GBF1: variants seen among roughly 807,000 people sequenced by gnomAD.
The protein encoded by GBF1 is Golgi-specific brefeldin A-resistance guanine nucleotide exchange factor 1.
GBF1 carries 114 observed loss-of-function variants against 210.5 expected under a neutral mutation model. The ratio of observed to expected loss-of-function variants is 0.54; its 90% confidence interval spans 0.47 to 0.63. The LOEUF (loss-of-function observed/expected upper bound fraction) is 0.63, where lower values mean the gene tolerates loss of function less well. Ranked by LOEUF, GBF1 falls within the 30% of genes least tolerant of loss-of-function variation. GBF1 has a pLI of 0.00. For synonymous variants in GBF1, 850 were observed against 889.2 expected (o/e 0.96, Z 0.78); for missense variants, 1,851 against 2,357.7 (o/e 0.79, Z 4.45).
chr10:102,285,784 G>A (rs375847919), intron 3 of GBF1, among the ~76,000 whole-genome samples: 6 of 151,796 alleles, frequency 4.0e-5, no homozygotes, highest in African/African-American at 1.2e-4. Context: ...AGCTCTCTCC[G>A]TTTTTTCTAG....
At position 102,382,342 on chromosome 10, in the gene GBF1, G is replaced by T; in HGVS notation, c.*6G>T. 1 of 1,598,978 alleles carries T rather than the reference G, an allele frequency of 6.3e-7. No homozygotes were observed. Among genetic ancestry groups the T allele is most frequent in the Non-Finnish European group, 8.5e-7 (1 of 1,171,666 alleles). On this transcript the variant is annotated 3_prime_UTR_variant, in exon 40 of 40. Coordinates refer to ENST00000369983, the MANE Select transcript of GBF1 (RefSeq NM_001377137.1). Reference sequence around the variant, plus strand: ...CCACCTCTGAGGTCAACTAAGGCAGGTCACTCAGAGATCAGGACCAGTGCT... The same window carrying T: ...CCACCTCTGAGGTCAACTAAGGCAGTTCACTCAGAGATCAGGACCAGTGCT...
intron 3 of GBF1, among the ~76,000 whole-genome samples, chr10:102,298,787 C>G (rs2077109466): frequency 1.3e-5 from 2 of 152,172 alleles, no homozygotes. Flanking sequence ...GACTGTAAAC[C>G]TAGGCCTGTT....
At chr10:102,260,476 CTTTTTTTTTTT>C (rs60452124) in intron 3 of GBF1, among the ~76,000 whole-genome samples, 8 of 72,432 alleles carry the variant, frequency 1.1e-4, no homozygotes. Flanking sequence ...TTCCTTTCTT[CTTTTTTTTTTT>C]TTTTTTTTTT....
intron 3 of GBF1, among the ~76,000 whole-genome samples, chr10:102,307,420 T>G (rs2077988229): frequency 1.3e-5 from 2 of 149,678 alleles, no homozygotes; most frequent in Admixed American, 6.7e-5. Flanking sequence ...GTTATAGTGA[T>G]GTTCACAAAT....
intron 3 of GBF1, among the ~76,000 whole-genome samples, chr10:102,293,817 G>A (rs1421396711): frequency 1.8e-4 from 18 of 99,666 alleles, no homozygotes; most frequent in Non-Finnish European, 2.8e-4. Flanking sequence ...TCACTCTGTC[G>A]CCCAGGCTAG....
intron 3 of GBF1, among the ~76,000 whole-genome samples, chr10:102,298,619 T>C (rs1035504662): frequency 6.6e-6 from 1 of 152,228 alleles, no homozygotes; most frequent in Non-Finnish European, 1.5e-5. Context: ...TAGGTGGTAA[T>C]AATACTCTGT....
intron 3 of GBF1, among the ~76,000 whole-genome samples, chr10:102,280,379 A>C (rs2075380885): frequency 6.6e-6 from 1 of 152,134 alleles, no homozygotes. Context: ...GATGGGGTGA[A>C]TGAAATTGTC....
chr10:102,296,241 GA>G (rs1185708488), intron 3 of GBF1, among the ~76,000 whole-genome samples: 1 of 152,148 alleles, frequency 6.6e-6, no homozygotes, highest in Non-Finnish European at 1.5e-5. Flanking sequence ...TGCTGCTTAT[GA>G]AAAAAACTGC....
At chr10:102,373,551 C>T (rs2060329491) in intron 29 of GBF1, among the ~76,000 whole-genome samples, 1 of 152,202 alleles carries the variant, frequency 6.6e-6, no homozygotes, top group Admixed American at 6.5e-5. Context: ...GCCTGGGTGA[C>T]AGAGCAAGAC....
At chr10:102,353,987 C>A (rs995786475) in intron 8 of GBF1, among the ~76,000 whole-genome samples, 9 of 152,278 alleles carry the variant, frequency 5.9e-5, no homozygotes, top group African/African-American at 2.2e-4. Flanking sequence ...GCCTTATCCG[C>A]AGGTAGAAGG....
intron 8 of GBF1, among the ~76,000 whole-genome samples, chr10:102,354,162 T>C (rs1386739023): frequency 1.3e-5 from 2 of 152,190 alleles, no homozygotes; most frequent in Non-Finnish European, 2.9e-5. Flanking sequence ...TATCTTGAAC[T>C]GAAGCCCTGG....
At chr10:102,288,105 A>T (rs1290861275) in intron 3 of GBF1, among the ~76,000 whole-genome samples, 1 of 152,152 alleles carries the variant, frequency 6.6e-6, no homozygotes, top group Non-Finnish European at 1.5e-5. Flanking sequence ...CGTTTTTCTA[A>T]AGCAAGCCAG....
chr10:102,344,465 G>GATTT (rs1554969982), intron 4 of GBF1, among the ~76,000 whole-genome samples: 7 of 150,598 alleles, frequency 4.6e-5, no homozygotes, highest in African/African-American at 1.7e-4. Context: ...AGTTTGGTTA[G>GATTT]GTTTGTTTGT....
At chr10:102,259,358 T>C (rs2072890544) in intron 2 of GBF1, among the ~76,000 whole-genome samples, 1 of 152,220 alleles carries the variant, frequency 6.6e-6, no homozygotes, top group South Asian at 2.1e-4. Context: ...TATAATTAGC[T>C]ATCAAATTTA....
chr10:102,336,301 AAAAAAAAAAAAAAG>A (rs1232598016), intron 3 of GBF1, among the ~76,000 whole-genome samples: 2 of 143,846 alleles, frequency 1.4e-5, no homozygotes, highest in African/African-American at 5.5e-5. Context: ...CTTTGTCTCA[AAAAAAAAAAAAAAG>A]AAAAAAAAAA....
intron 4 of GBF1, among the ~76,000 whole-genome samples, chr10:102,345,922 C>T (rs1409988796): frequency 2.0e-5 from 3 of 152,048 alleles, no homozygotes; most frequent in African/African-American, 7.2e-5. Flanking sequence ...TCTCTCTCCC[C>T]TCAGCCCCTT....
rs1565183919 is a variant in GBF1, at chr10:102,376,617, C to T, written c.4105C>T (p.Pro1369Ser). The T allele has an allele frequency of 3.1e-6, 5 of 1,613,756 alleles. No homozygotes were observed. The highest frequency in any genetic ancestry group is 3.3e-4 in the Middle Eastern group (2 of 6,060). ...AGGGCCCAGCCGCCCAGGCCCTTCA[C>T]CCCTGATCAATCAATACAGCCTAAC... The part of the protein sequence containing the change: ...KPGPSRPGPS[P>S]LINQYSLTVG... Residue 1369 changes from proline (P) to serine (S), a missense_variant, in exon 32 of 40, where the codon CCC becomes TCC. By Grantham distance (74) the Pro-to-Ser change is moderately conservative. Transcript: ENST00000369983.
rs773737604 is a variant in GBF1, at chr10:102,366,497, G to C, written c.2424G>C (p.Glu808Asp). 1 of 1,614,000 alleles carries C rather than the reference G, an allele frequency of 6.2e-7. No individual in the cohort carries two copies. Among genetic ancestry groups the C allele is most frequent in the South Asian group, 1.1e-5 (1 of 91,078 alleles). ...VIQRLLEAFT[E>D]RWMNCNGSPF... ...AGAGGTTGCTGGAGGCATTCACAGAGCGTTGGATGGTGAGTTTGAGTGTCA... is the reference window on the plus strand; with the variant it reads ...AGAGGTTGCTGGAGGCATTCACAGACCGTTGGATGGTGAGTTTGAGTGTCA... The change falls in exon 19 of 40, where the codon GAG becomes GAC. Residue 808 changes from glutamate to aspartate, a missense_variant. Physicochemically the swap from Glu to Asp is conservative, Grantham distance 45. This residue lies in a region of GBF1 where 80 missense variants were observed against 151.4 expected (regional missense o/e 0.53). Coordinates refer to ENST00000369983, the MANE Select transcript of GBF1 (RefSeq NM_001377137.1). This position sits in a 1 kb window ranked among gnomAD's most constrained non-coding sequence, Gnocchi z 4.0.
chr10:102,265,086 C>T (rs1324570514), intron 3 of GBF1, among the ~76,000 whole-genome samples: 2 of 152,166 alleles, frequency 1.3e-5, no homozygotes, highest in Non-Finnish European at 2.9e-5. Flanking sequence ...CTTGATATTG[C>T]TCTTGGTTTT....
Sources: allele counts gnomAD v4.1 joint callset (sites outside exome capture counted in the v4.1 genomes callset), GRCh38; gene constraint gnomAD v4.1.1; regional missense constraint gnomAD v4.1.1; non-coding constraint Gnocchi (gnomAD v3.1); transcripts MANE v1.5; gene names NCBI Gene and HGNC (gene_info 2026-07-23, HGNC 2026-07-21).